The following COL5A2 variants were observed in gnomAD, a reference collection of about 807,000 sequenced individuals.
COL5A2 encodes the protein collagen alpha-2(V) chain.
COL5A2 carries 23 observed loss-of-function variants against 208.2 expected under a neutral mutation model. That is an observed-to-expected ratio of 0.11 (90% confidence interval 0.08 to 0.16). The LOEUF is 0.16. COL5A2 is among the 10% of genes least tolerant of loss of function. The probability of loss-of-function intolerance (pLI) is 1.00; values close to 1 mark genes in which losing one functional copy is unlikely to be tolerated. For synonymous variants in COL5A2, 625 were observed against 628.5 expected (o/e 0.99, Z 0.08); for missense variants, 1,590 against 1,956.4 (o/e 0.81, Z 3.53).
chr2:189,403,426 T>C, the COL5A2 span, among the ~76,000 whole-genome samples: 39 of 152,344 alleles, frequency 2.6e-4, no homozygotes, highest in African/African-American at 8.4e-4. Context: ...TCTTGCCTGA[T>C]TGCCCTGGCC....
At chr2:189,347,723 A>G in the COL5A2 span, among the ~76,000 whole-genome samples, 1 of 152,190 alleles carries the variant, frequency 6.6e-6, no homozygotes, top group Non-Finnish European at 1.5e-5. Context: ...TGCTGTGATG[A>G]GTCAGCATTT....
the COL5A2 span, among the ~76,000 whole-genome samples, chr2:189,314,470 C>T: frequency 6.6e-6 from 1 of 152,016 alleles, no homozygotes; most frequent in Admixed American, 6.6e-5. Context: ...GCACTAAATA[C>T]CCACATCAAA....
the COL5A2 span, among the ~76,000 whole-genome samples, chr2:189,285,071 GGTGTGTGTGT>G: frequency 2.1e-5 from 3 of 139,702 alleles, no homozygotes; most frequent in Admixed American, 7.2e-5. Context: ...GCATGCACAT[GGTGTGTGTGT>G]GTGTGTGTGT....
At chr2:189,415,092 T>C in the COL5A2 span, among the ~76,000 whole-genome samples, 6 of 152,310 alleles carry the variant, frequency 3.9e-5, no homozygotes, top group African/African-American at 9.6e-5. Context: ...AAAAACTTAA[T>C]TATTTTCCAT....
intron 1 of COL5A2, among the ~76,000 whole-genome samples, chr2:189,190,737 C>A (rs1286494391): frequency 6.6e-6 from 1 of 152,200 alleles, no homozygotes; most frequent in Non-Finnish European, 1.5e-5. Context: ...AGTCATCACA[C>A]CCTTGTTTCA....
the COL5A2 span, among the ~76,000 whole-genome samples, chr2:189,430,746 T>C: frequency 1.3e-5 from 2 of 152,204 alleles, no homozygotes; most frequent in African/African-American, 4.8e-5. Flanking sequence ...AGACTCCACT[T>C]CTGTGGGCAG....
At chr2:189,263,543 T>C in the COL5A2 span, among the ~76,000 whole-genome samples, 1 of 152,154 alleles carries the variant, frequency 6.6e-6, no homozygotes, top group Non-Finnish European at 1.5e-5. Flanking sequence ...AAATCTACTA[T>C]GCTGCCAGTC....
chr2:189,242,068 T>G, the COL5A2 span, among the ~76,000 whole-genome samples: 42 of 152,292 alleles, frequency 2.8e-4, no homozygotes, highest in Non-Finnish European at 5.0e-4. Context: ...TTTTTCTTAT[T>G]GACTTATAAA....
At chr2:189,073,061 G>A (rs1008802745) in intron 17 of COL5A2, among the ~76,000 whole-genome samples, 1 of 152,052 alleles carries the variant, frequency 6.6e-6, no homozygotes, top group Admixed American at 6.6e-5. Flanking sequence ...AAACAAGGGA[G>A]AAAAGATCCT....
the COL5A2 span, among the ~76,000 whole-genome samples, chr2:189,381,688 T>C: frequency 1.3e-5 from 2 of 152,110 alleles, no homozygotes; most frequent in Non-Finnish European, 2.9e-5. Context: ...ATGTTATGCA[T>C]TCTTTTTTAT....
intron 1 of COL5A2, among the ~76,000 whole-genome samples, chr2:189,216,964 AGGT>A (rs1485155380): frequency 6.6e-6 from 1 of 152,132 alleles, no homozygotes; most frequent in Non-Finnish European, 1.5e-5. Context: ...AATTAGGTGA[AGGT>A]AACTCTCAAA....
At chr2:189,061,523 T>C in intron 30 of COL5A2, 39 bp downstream of exon 30, 1 of 1,469,734 alleles carries the variant, frequency 6.8e-7, no homozygotes, top group Non-Finnish European at 9.5e-7. Context: ...AGCATTTTAG[T>C]TAATGGAAGA....
rs1445175191 is a variant in COL5A2, at chr2:189,057,301, A to AAAAAAAAAAAAAAC, written c.2337+18_2337+19insGTTTTTTTTTTTTT. 1 of 1,427,176 alleles carries AAAAAAAAAAAAAAC rather than the reference A, an allele frequency of 7.0e-7. No individual in the cohort carries two copies. The highest frequency in any genetic ancestry group is 9.5e-7 in the Non-Finnish European group (1 of 1,048,290). The allele number at this position is 1,427,176 out of a possible 1,614,324, so 88.4% of individuals were successfully genotyped here. On this transcript the variant is annotated intron_variant, in intron 34 of 53. Coordinates refer to ENST00000374866, the MANE Select transcript of COL5A2 (RefSeq NM_000393.5). ...TGAATAAATGAACTGAAAAAAAAAA[A>AAAAAAAAAAAAAAC]AAAAAAAAAAGGACTTACTCTGTCA...
At chr2:189,102,396 TA>T (rs1243331598) in intron 3 of COL5A2, among the ~76,000 whole-genome samples, 1 of 152,118 alleles carries the variant, frequency 6.6e-6, no homozygotes, top group African/African-American at 2.4e-5. Context: ...TTTCTAATAA[TA>T]AATTCCCTAA....
At chr2:189,312,978 G>A in the COL5A2 span, among the ~76,000 whole-genome samples, 1 of 152,016 alleles carries the variant, frequency 6.6e-6, no homozygotes, top group Admixed American at 6.6e-5. Context: ...AACATTGCAG[G>A]AGCTGACAGA....
chr2:189,217,746 T>C (rs892355435), intron 1 of COL5A2, among the ~76,000 whole-genome samples: 5 of 152,120 alleles, frequency 3.3e-5, no homozygotes, highest in African/African-American at 9.7e-5. Context: ...AGGCCTGGTA[T>C]GTTTAGAAGC....
the COL5A2 span, among the ~76,000 whole-genome samples, chr2:189,353,397 C>G: frequency 6.6e-6 from 1 of 152,160 alleles, no homozygotes; most frequent in South Asian, 2.1e-4. Flanking sequence ...GCCATTTTCA[C>G]AATATTGATT....
At chr2:189,219,860 G>A (rs1217143877) in intron 1 of COL5A2, among the ~76,000 whole-genome samples, 3 of 86,398 alleles carry the variant, frequency 3.5e-5, no homozygotes, top group Non-Finnish European at 7.3e-5. Context: ...TACATGACCT[G>A]TGCAGATAGA....
the COL5A2 span, among the ~76,000 whole-genome samples, chr2:189,237,890 C>G: frequency 1.3e-5 from 2 of 151,678 alleles, no homozygotes; most frequent in Non-Finnish European, 2.9e-5. Context: ...GTTTTGTGTT[C>G]AATAAACTTA....
Sources: gnomAD v4.1 joint callset for allele counts (sites outside exome capture counted in the v4.1 genomes callset) on GRCh38, gnomAD v4.1.1 for gene constraint, MANE v1.5 for transcripts, NCBI Gene and HGNC (gene_info 2026-07-23, HGNC 2026-07-21) for gene names.